Variants in PITPNC1 observed in about 807,000 individuals in gnomAD.
PITPNC1 encodes cytoplasmic phosphatidylinositol transfer protein 1.
Under a neutral mutation model 44.7 loss-of-function variants are expected in PITPNC1, and 18 were observed. That is an observed-to-expected ratio of 0.40 (90% CI 0.28 to 0.60). The LOEUF (loss-of-function observed/expected upper bound fraction) is 0.60, where lower values mean the gene tolerates loss of function less well. Among genes scored for constraint, PITPNC1 ranks in the 20% least tolerant of loss-of-function variants. The pLI is 0.39. For synonymous variants in PITPNC1, 141 were observed against 149.6 expected (o/e 0.94, Z 0.42); for missense variants, 290 against 418.4 (o/e 0.69, Z 2.68).
intron 2 of PITPNC1, among the ~76,000 whole-genome samples, chr17:67,540,027 G>A (rs2040584221): frequency 1.3e-5 from 2 of 152,154 alleles, no homozygotes; most frequent in South Asian, 2.1e-4. Context: ...AGGAGGGAGA[G>A]GAATGAGTTG....
Position 67,688,817 on chromosome 17 carries a change from G to A in PITPNC1, c.683-3755G>A, listed in dbSNP as rs527933506. ...CACAGGTAAAGAGGAGACACCAGAT[G>A]GCTAAAAGATGCTAAGCTCAGTGAT... On this transcript the variant is annotated intron_variant, in intron 8 of 8. Transcript: ENST00000581322. Among the ~76,000 whole-genome samples, 289 of 152,316 alleles carry A rather than the reference G, an allele frequency of 1.9e-3. 1 individual carries two copies. The highest frequency in any genetic ancestry group is 6.1e-3 in the African/African-American group (255 of 41,574).
Position 67,453,762 on chromosome 17 carries a change from G to A in PITPNC1, c.48+75560G>A, listed in dbSNP as rs141999641. ...AATGAGAAGAATTGAATTATTTGAGGGAGGAAAACATTTTGCTTAATTGGA... is the reference window on the plus strand; with the variant it reads ...AATGAGAAGAATTGAATTATTTGAGAGAGGAAAACATTTTGCTTAATTGGA... On this transcript the variant is annotated intron_variant, in intron 1 of 8. Transcript: ENST00000581322. 1.8e-3 allele frequency among the ~76,000 whole-genome samples: 277 copies of A among 152,264 alleles called. 1 individual carries two copies. Among genetic ancestry groups the A allele is most frequent in the Middle Eastern group, 0.01 (3 of 294 alleles).
chr17:67,395,508 A>G lies in PITPNC1; in HGVS notation c.48+17306A>G, dbSNP rs936450441. 7.2e-5 allele frequency among the ~76,000 whole-genome samples: 11 copies of G among 152,218 alleles called. No homozygotes were observed. In the South Asian group the frequency reaches 2.3e-3, roughly 32 times the overall value. ...AGAGAAGTCTGTGCTTGAGCTGAGG[A>G]GCATGTCTTCTGAAATGTGTAAATT... is the stretch of plus-strand genomic sequence containing the variant. On this transcript the variant is annotated intron_variant, in intron 1 of 8. Transcript: ENST00000581322.
rs528503758 is a variant in PITPNC1, at chr17:67,603,826, A to T, written c.366+25569A>T. ...ATGCTTGTAATCCCAGCTGCTTGGG[A>T]GGCTGAGGCAGGAGAATCACTTGAA... On this transcript the variant is annotated intron_variant, in intron 5 of 8. Coordinates refer to ENST00000581322, the MANE Select transcript of PITPNC1 (RefSeq NM_012417.4). 5.9e-5 allele frequency among the ~76,000 whole-genome samples: 9 copies of T among 152,046 alleles called. No homozygotes were observed. In the South Asian group the frequency reaches 1.9e-3, roughly 32 times the overall value.
chr17:67,525,623 C>G (rs1166948423), intron 1 of PITPNC1, among the ~76,000 whole-genome samples: 1 of 152,170 alleles, frequency 6.6e-6, no homozygotes, highest in African/African-American at 2.4e-5. Flanking sequence ...CACCACTTGG[C>G]ATGAAGCAAC....
At chr17:67,457,846 T>G (rs2039277637) in intron 1 of PITPNC1, 1 of 152,210 alleles carries the variant, frequency 6.6e-6, no homozygotes, top group Admixed American at 6.5e-5. Flanking sequence ...CTATTATCTT[T>G]TAAAATGTTG....
chr17:67,532,993 A>C, intron 2 of PITPNC1, 43 bp downstream of exon 2: 1 of 1,542,886 alleles, frequency 6.5e-7, no homozygotes, highest in East Asian at 2.3e-5. Context: ...GCCCCCTCCC[A>C]CCTGACCCCA....
At chr17:67,512,502 A>AAAAAAAC (rs2040200141) in intron 1 of PITPNC1, among the ~76,000 whole-genome samples, 1 of 147,646 alleles carries the variant, frequency 6.8e-6, no homozygotes, top group African/African-American at 2.5e-5. Context: ...CTGTGTCTCA[A>AAAAAAAC]AAAAAAAAAA....
At chr17:67,509,725 C>T (rs2040156351) in intron 1 of PITPNC1, among the ~76,000 whole-genome samples, 1 of 151,946 alleles carries the variant, frequency 6.6e-6, no homozygotes, top group Non-Finnish European at 1.5e-5. Flanking sequence ...GTTAGAAAAA[C>T]ACACTTTGGG....
At chr17:67,387,803 C>G (rs2038077165) in intron 1 of PITPNC1, among the ~76,000 whole-genome samples, 1 of 152,152 alleles carries the variant, frequency 6.6e-6, no homozygotes, top group Non-Finnish European at 1.5e-5. Flanking sequence ...TGTTTGTTGT[C>G]TATCGCCATC....
chr17:67,401,022 C>T (rs372129533), intron 1 of PITPNC1, among the ~76,000 whole-genome samples: 2 of 152,046 alleles, frequency 1.3e-5, no homozygotes, highest in Non-Finnish European at 2.9e-5. Flanking sequence ...GCAACCTCCA[C>T]CTCCCGGGTT....
chr17:67,436,415 C>T (rs2038937205), intron 1 of PITPNC1, among the ~76,000 whole-genome samples: 2 of 151,976 alleles, frequency 1.3e-5, no homozygotes, highest in Non-Finnish European at 1.5e-5. Flanking sequence ...ACACAGGGAG[C>T]AGCAAGTACT....
chr17:67,592,115 A>G lies in PITPNC1; in HGVS notation c.366+13858A>G, dbSNP rs569191619. Reference sequence around the variant, plus strand: ...ATAGGCAGACAGTGTGTCTAAACTGAAAACCTAAGAGAATTTACAAATTAT... The same window carrying G: ...ATAGGCAGACAGTGTGTCTAAACTGGAAACCTAAGAGAATTTACAAATTAT... On this transcript the variant is annotated intron_variant, in intron 5 of 8. Coordinates refer to ENST00000581322, the MANE Select transcript of PITPNC1 (RefSeq NM_012417.4). Among the ~76,000 whole-genome samples, 357 of 152,308 alleles carry G rather than the reference A, an allele frequency of 2.3e-3. 1 individual carries two copies. The highest frequency in any genetic ancestry group is 8.1e-3 in the African/African-American group (337 of 41,576).
At chr17:67,557,871 C>T (rs1352504064) in intron 4 of PITPNC1, among the ~76,000 whole-genome samples, 2 of 152,204 alleles carry the variant, frequency 1.3e-5, no homozygotes, top group East Asian at 1.9e-4. Context: ...GCTGTCTTTC[C>T]CAAGCTCCAT....
At chr17:67,471,074 G>A (rs1392485557) in intron 1 of PITPNC1, among the ~76,000 whole-genome samples, 33 of 123,514 alleles carry the variant, frequency 2.7e-4, no homozygotes, top group African/African-American at 6.8e-4. Context: ...GCGGAAGGCC[G>A]CAGGGTCCTC....
intron 5 of PITPNC1, among the ~76,000 whole-genome samples, chr17:67,601,366 G>A (rs906876273): frequency 6.6e-6 from 1 of 152,138 alleles, no homozygotes; most frequent in Non-Finnish European, 1.5e-5. Context: ...AGAAACAAAT[G>A]TGGGCCTATC....
At chr17:67,559,234 G>A (rs2144185153) in intron 4 of PITPNC1, among the ~76,000 whole-genome samples, 1 of 152,198 alleles carries the variant, frequency 6.6e-6, no homozygotes, top group East Asian at 1.9e-4. Context: ...TCATAACTAG[G>A]AACACAGGAA....
At chr17:67,454,183 A>G (rs1194488335) in intron 1 of PITPNC1, among the ~76,000 whole-genome samples, 1 of 151,668 alleles carries the variant, frequency 6.6e-6, no homozygotes, top group Non-Finnish European at 1.5e-5. Flanking sequence ...CACGGGAGGC[A>G]GAGGTTGCAG....
At position 67,507,349 on chromosome 17, in the gene PITPNC1, C is replaced by T. The variant is rs140299162; in HGVS notation, c.49-25453C>T. Reference sequence around the variant, plus strand: ...AGAGGAGTTCAGATGTTGCTGTGTACGTTGGAGAAAATCATTAAAGGTTTC... The same window carrying T: ...AGAGGAGTTCAGATGTTGCTGTGTATGTTGGAGAAAATCATTAAAGGTTTC... On this transcript the variant is annotated intron_variant, in intron 1 of 8. Coordinates refer to ENST00000581322, the MANE Select transcript of PITPNC1 (RefSeq NM_012417.4). Among the ~76,000 whole-genome samples the T allele has an allele frequency of 1.4e-3, 219 of 152,046 alleles. 1 individual carries two copies. The highest frequency in any genetic ancestry group is 5.0e-3 in the African/African-American group (206 of 41,432).
Sources: gnomAD v4.1 joint callset for allele counts (sites outside exome capture counted in the v4.1 genomes callset) on GRCh38, gnomAD v4.1.1 for gene constraint, MANE v1.5 for transcripts, NCBI Gene and HGNC (gene_info 2026-07-23, HGNC 2026-07-21) for gene names.